USP7: variants seen among roughly 807,000 people sequenced by gnomAD.
USP7 encodes ubiquitin C-terminal hydrolase 7.
A neutral mutation model predicts 162.9 loss-of-function variants in USP7; 9 were observed. The ratio of observed to expected loss-of-function variants is 0.06; its 90% CI spans 0.03 to 0.10. The LOEUF (loss-of-function observed/expected upper bound fraction) is 0.10. Among genes scored for constraint, USP7 ranks in the 10% least tolerant of loss-of-function variants. USP7 has a pLI of 1.00. For missense variants in USP7, 715 were observed against 1,373.7 expected, an observed-to-expected ratio of 0.52 and a Z score of 7.58; for synonymous variants, 562 against 475.9, an observed-to-expected ratio of 1.18 and a Z score of -2.35.
intron 1 of USP7, among the ~76,000 whole-genome samples, chr16:8,936,222 T>C (rs1377862063): frequency 6.6e-6 from 1 of 151,982 alleles, no homozygotes; most frequent in Non-Finnish European, 1.5e-5. Context: ...TGATCAAAAC[T>C]ACAGCTGTTA....
At chr16:8,896,256 T>C (rs1336049556) in intron 26 of USP7, among the ~76,000 whole-genome samples, 1 of 150,150 alleles carries the variant, frequency 6.7e-6, no homozygotes, top group Non-Finnish European at 1.5e-5. Context: ...CTGGACAAAG[T>C]GGAAATGGCC....
intron 1 of USP7, among the ~76,000 whole-genome samples, chr16:8,941,495 C>T (rs1899043590): frequency 1.3e-5 from 2 of 152,244 alleles, no homozygotes; most frequent in Admixed American, 1.3e-4. Flanking sequence ...AGCCCACCCT[C>T]TTCTCGCAGG....
At chr16:8,920,748 A>T (rs1033288832) in intron 4 of USP7, among the ~76,000 whole-genome samples, 1 of 152,208 alleles carries the variant, frequency 6.6e-6, no homozygotes, top group Non-Finnish European at 1.5e-5. Flanking sequence ...GAATGCAATG[A>T]TAAGTGACTT....
At chr16:8,923,174 G>T in intron 3 of USP7, 41 bp downstream of exon 3, 1 of 54,884 alleles carries the variant, frequency 1.8e-5, no homozygotes, top group Non-Finnish European at 3.3e-5. Flanking sequence ...ATTGCACTAG[G>T]CTGATCAAAT....
chr16:8,928,058 G>A (rs1898110448), intron 2 of USP7, among the ~76,000 whole-genome samples: 1 of 152,218 alleles, frequency 6.6e-6, no homozygotes, highest in Non-Finnish European at 1.5e-5. Context: ...AAAGTAGAAT[G>A]AGTAGATACA....
At chr16:8,952,319 C>T (rs1419000379) in intron 1 of USP7, among the ~76,000 whole-genome samples, 2 of 152,166 alleles carry the variant, frequency 1.3e-5, no homozygotes, top group Non-Finnish European at 2.9e-5. Context: ...ATGGTGAAGC[C>T]GGACCACATG....
chr16:8,897,726 A>AAGAAAAATATAT (rs1555461671), intron 25 of USP7, among the ~76,000 whole-genome samples: 1 of 7,138 alleles, frequency 1.4e-4, no homozygotes, highest in Admixed American at 3.2e-3. Context: ...AAAAAAAAAA[A>AAGAAAAATATAT]ATATATATAT....
intron 1 of USP7, among the ~76,000 whole-genome samples, chr16:8,943,811 T>C (rs1347688915): frequency 6.6e-6 from 1 of 152,228 alleles, no homozygotes; most frequent in Non-Finnish European, 1.5e-5. Flanking sequence ...AAAATGAGCA[T>C]TCACGCTGGG....
In USP7 at chr16:8,906,439, T is replaced by G; in HGVS notation, c.1415A>C (p.Lys472Thr). Residue 472 changes from lysine (K) to threonine (T), a missense_variant, in exon 13 of 31, where the codon AAA becomes ACA. Coordinates refer to ENST00000344836, the MANE Select transcript of USP7 (RefSeq NM_003470.3). ...CCCACCACTTACTTTGCCATCCCCT[T>G]TGGGGTTTAGATAAACCACATAATG... ...GGHYVVYLNP[K>T]GDGKWCKFDD... The G allele has an allele frequency of 6.2e-7, 1 of 1,612,064 alleles. No individual in the cohort carries two copies. Among genetic ancestry groups the G allele is most frequent in the South Asian group, 1.1e-5 (1 of 90,960 alleles).
Position 8,910,845 on chromosome 16 carries a change from G to A in USP7, c.1079-18C>T, listed in dbSNP as rs1042635047. 9 of 1,594,822 alleles carry A rather than the reference G, an allele frequency of 5.6e-6. No homozygotes were observed. The highest frequency in any genetic ancestry group is 2.7e-5 in the African/African-American group (2 of 74,582). On this transcript the variant is annotated intron_variant, in intron 10 of 30. Transcript: ENST00000344836. Reference sequence around the variant, plus strand: ...TTCAAATACTTTAAAGAGAGAGAGAGAAAAGTCAAGTGCTAAAGCTTCATT... The same window carrying A: ...TTCAAATACTTTAAAGAGAGAGAGAAAAAAGTCAAGTGCTAAAGCTTCATT...
At chr16:8,898,818 T>C (rs1286215911) in intron 23 of USP7, 179 bp from the exon 24 acceptor site, 6 of 621,032 alleles carry the variant, frequency 9.7e-6, no homozygotes, top group Admixed American at 6.2e-5. Flanking sequence ...GCTGTCACAC[T>C]TGAATGCTCT....
At chr16:8,894,274 A>G (rs559813298) in intron 30 of USP7, among the ~76,000 whole-genome samples, 170 bp from the exon 31 acceptor site, 16 of 152,290 alleles carry the variant, frequency 1.1e-4, no homozygotes, top group Admixed American at 5.2e-4. Context: ...CCACACCCTG[A>G]CTGCGCCTCA....
Position 8,915,258 on chromosome 16 carries a change from T to G in USP7, c.1074A>C (p.Lys358Asn). Reference protein sequence around the residue: ...YDIQLSIKGKKNIFESFVDYV... With the variant: ...YDIQLSIKGKNNIFESFVDYV... The stretch of plus-strand genomic sequence containing the variant: ...TTAGATACACACAACACTTACTATT[T>G]TTCTTTCCTTTGATACTTAGCTGGA... Residue 358 changes from lysine (K) to asparagine (N), a missense_variant, in exon 10 of 31, where the codon AAA becomes AAC. By Grantham distance (94) the Lys-to-Asn change is moderately conservative. Transcript: ENST00000344836. The G allele has an allele frequency of 1.2e-6, 2 of 1,603,762 alleles. No individual in the cohort carries two copies. The highest frequency in any genetic ancestry group is 1.7e-6 in the Non-Finnish European group (2 of 1,176,498).
intron 10 of USP7, 42 bp from the exon 11 acceptor site, chr16:8,910,869 T>G: frequency 6.5e-7 from 1 of 1,530,974 alleles, no homozygotes; most frequent in Non-Finnish European, 9.0e-7. Flanking sequence ...TAAAGCTTCA[T>G]TTATAATGTA....
In USP7 at chr16:8,893,179, T is replaced by C. The variant is rs1054374484; in HGVS notation, c.*819A>G. 6.6e-6 allele frequency: 1 copy of C among 152,264 alleles called. No individual in the cohort carries two copies. The highest frequency in any genetic ancestry group is 2.4e-5 in the African/African-American group (1 of 41,470). The allele number at this position is 152,264 out of a possible 1,614,324, so 9.4% of individuals were successfully genotyped here. On this transcript the variant is annotated 3_prime_UTR_variant, in exon 31 of 31. Transcript: ENST00000344836. ...ACAGCTTACTAACCACTAGTGAGCA[T>C]GCCCTCTTGCTAAAAGGCTTTCTTG...
At chr16:8,924,901 G>A (rs1897905573) in intron 2 of USP7, among the ~76,000 whole-genome samples, 1 of 152,236 alleles carries the variant, frequency 6.6e-6, no homozygotes, top group Non-Finnish European at 1.5e-5. Flanking sequence ...GGAAGGAAGA[G>A]CAGCTGAAAG....
In USP7 at chr16:8,893,928, G is replaced by T. The variant is rs898184491; in HGVS notation, c.*70C>A. ...TGAAGACTTCGGCTAGAGGGCACGT[G>T]CACCAAAGTTCTAGGCTGTTAAGGG... is the stretch of plus-strand genomic sequence containing the variant. On this transcript the variant is annotated 3_prime_UTR_variant, in exon 31 of 31. Coordinates refer to ENST00000344836, the MANE Select transcript of USP7 (RefSeq NM_003470.3). 2.9e-6 allele frequency: 4 copies of T among 1,370,792 alleles called. No homozygotes were observed. The highest frequency in any genetic ancestry group is 2.9e-5 in the African/African-American group (2 of 69,958). 84.9% of individuals were successfully genotyped at this position (1,370,792 alleles called of 1,614,324 possible).
chr16:8,911,706 G>C (rs566869772), intron 10 of USP7, among the ~76,000 whole-genome samples: 1 of 152,186 alleles, frequency 6.6e-6, no homozygotes, highest in African/African-American at 2.4e-5. Flanking sequence ...TCAAGGGAGC[G>C]GGAACCTGCT....
chr16:8,935,622 T>C (rs1596399047), intron 1 of USP7: 1 of 152,226 alleles, frequency 6.6e-6, no homozygotes, highest in African/African-American at 2.4e-5. Flanking sequence ...GAAAAACGTC[T>C]ATAGGAAATA....
Sources: gnomAD v4.1 joint callset for allele counts (sites outside exome capture counted in the v4.1 genomes callset) on GRCh38, gnomAD v4.1.1 for gene constraint, MANE v1.5 for transcripts, NCBI Gene and HGNC (gene_info 2026-07-23, HGNC 2026-07-21) for gene names.